The following PDE1C variants were observed in gnomAD, a reference collection of about 807,000 sequenced individuals.
The protein encoded by PDE1C is dual specificity calcium/calmodulin-dependent 3',5'-cyclic nucleotide phosphodiesterase 1C.
PDE1C carries 62 observed loss-of-function variants against 93.1 expected under a neutral mutation model. The observed-to-expected ratio is 0.67, with a 90% CI of 0.54 to 0.82. The LOEUF (loss-of-function observed/expected upper bound fraction) is 0.82, where lower values mean the gene tolerates loss of function less well. PDE1C is among the 40% of genes least tolerant of loss of function. The pLI, the probability that PDE1C is intolerant of heterozygous loss-of-function variation, is 0.00. For synonymous variants in PDE1C, 325 were observed against 310.1 expected, an observed-to-expected ratio of 1.05 and a Z score of -0.50; for missense variants, 742 against 884.6, an observed-to-expected ratio of 0.84 and a Z score of 2.04.
intron 16 of PDE1C, among the ~76,000 whole-genome samples, chr7:31,780,111 C>T (rs1024136638): frequency 6.6e-5 from 10 of 152,154 alleles, no homozygotes; most frequent in Non-Finnish European, 1.2e-4. Flanking sequence ...AATATGCTGA[C>T]ACCTGACCCT....
At chr7:32,328,538 A>C (rs118121395) in intron 1 of PDE1C, among the ~76,000 whole-genome samples, 1 of 152,100 alleles carries the variant, frequency 6.6e-6, no homozygotes. Flanking sequence ...CTCCAGACAC[A>C]CTGCCTCCTT....
intron 3 of PDE1C, among the ~76,000 whole-genome samples, chr7:32,109,657 T>C (rs551260391): frequency 6.6e-6 from 1 of 152,186 alleles, no homozygotes; most frequent in Non-Finnish European, 1.5e-5. Flanking sequence ...CTGGTCTAAA[T>C]GAAGAAGTCT....
At chr7:32,252,869 A>G (rs1809493617) in intron 1 of PDE1C, among the ~76,000 whole-genome samples, 1 of 152,238 alleles carries the variant, frequency 6.6e-6, no homozygotes, top group Non-Finnish European at 1.5e-5. Context: ...TTATTCTACC[A>G]GTTACTGTAA....
chr7:31,756,555 T>C (rs1330922280), intron 17 of PDE1C, among the ~76,000 whole-genome samples: 1 of 151,926 alleles, frequency 6.6e-6, no homozygotes, highest in African/African-American at 2.4e-5. Flanking sequence ...GGGTAACAAG[T>C]AGGGAAATTT....
At chr7:32,410,691 G>T (rs1473608540) in intron 1 of PDE1C, among the ~76,000 whole-genome samples, 1 of 152,032 alleles carries the variant, frequency 6.6e-6, no homozygotes, top group Non-Finnish European at 1.5e-5. Context: ...AGAGAAGAGA[G>T]AGCTGAGAGC....
At chr7:31,985,270 G>A (rs1783226344) in intron 2 of PDE1C, among the ~76,000 whole-genome samples, 1 of 151,918 alleles carries the variant, frequency 6.6e-6, no homozygotes, top group Non-Finnish European at 1.5e-5. Flanking sequence ...AGCACTAAAG[G>A]GGTCTACATT....
At chr7:32,185,455 T>A (rs1218119548) in intron 2 of PDE1C, among the ~76,000 whole-genome samples, 3 of 152,142 alleles carry the variant, frequency 2.0e-5, no homozygotes, top group Non-Finnish European at 2.9e-5. Context: ...TCCCCAATAT[T>A]TGAATAAAAT....
intron 1 of PDE1C, among the ~76,000 whole-genome samples, chr7:32,306,607 T>A (rs1222234617): frequency 6.6e-6 from 1 of 152,232 alleles, no homozygotes; most frequent in Non-Finnish European, 1.5e-5. Flanking sequence ...GCCAAAGAGA[T>A]CTTTTTAAAT....
chr7:31,737,840 C>T, the PDE1C span, among the ~76,000 whole-genome samples: 62 of 149,722 alleles, frequency 4.1e-4, no homozygotes, highest in African/African-American at 1.5e-3. Flanking sequence ...CTGCAATAAC[C>T]ATTCAAAAAC....
chr7:32,388,166 G>A (rs1438571185), intron 1 of PDE1C, among the ~76,000 whole-genome samples: 1 of 152,068 alleles, frequency 6.6e-6, no homozygotes, highest in Non-Finnish European at 1.5e-5. Flanking sequence ...GACAGATTTG[G>A]TTGTCAAAGA....
At chr7:31,910,687 T>C (rs1405935272) in intron 2 of PDE1C, among the ~76,000 whole-genome samples, 1 of 152,190 alleles carries the variant, frequency 6.6e-6, no homozygotes, top group African/African-American at 2.4e-5. Context: ...CCAAATGGCC[T>C]GGGTTTCAAT....
intron 3 of PDE1C, among the ~76,000 whole-genome samples, chr7:32,103,190 G>A (rs1359086301): frequency 6.6e-6 from 1 of 152,206 alleles, no homozygotes; most frequent in African/African-American, 2.4e-5. Context: ...ATTAGAGAGT[G>A]AGAAATTTCA....
the PDE1C span, among the ~76,000 whole-genome samples, chr7:31,624,509 C>G: frequency 0.11 from 8,124 of 74,986 alleles, 617 homozygotes; most frequent in East Asian, 0.24. Context: ...CTGAGAAAAA[C>G]AAGCAATGGG....
At chr7:32,206,872 G>T (rs56293810) in intron 2 of PDE1C, among the ~76,000 whole-genome samples, 2 of 152,134 alleles carry the variant, frequency 1.3e-5, no homozygotes, top group African/African-American at 4.8e-5. Context: ...GTCAAGGTCA[G>T]TCTCAACTCT....
chr7:32,134,308 A>T (rs1420823417), intron 3 of PDE1C, among the ~76,000 whole-genome samples: 1 of 152,156 alleles, frequency 6.6e-6, no homozygotes, highest in Non-Finnish European at 1.5e-5. Context: ...AGAAAACCCC[A>T]AAAAGAATTC....
At chr7:32,323,570 G>T (rs1296987500) in intron 1 of PDE1C, among the ~76,000 whole-genome samples, 1 of 152,166 alleles carries the variant, frequency 6.6e-6, no homozygotes, top group Non-Finnish European at 1.5e-5. Context: ...CAGCAGTCAG[G>T]GTGGCATGTT....
At chr7:32,394,069 T>C (rs181654812) in intron 1 of PDE1C, among the ~76,000 whole-genome samples, 1 of 152,298 alleles carries the variant, frequency 6.6e-6, no homozygotes, top group Admixed American at 6.5e-5. Flanking sequence ...TACAAAGCTG[T>C]TGTGGACAAG....
In PDE1C at chr7:32,273,049, G is replaced by A. The variant is rs566965992; in HGVS notation, c.85+25602C>T. The stretch of plus-strand genomic sequence containing the variant: ...GCACTGGCTTTGAAATGGAGATGGA[G>A]GTGACGGTGTTTCAGGTTGTTAAAG... On this transcript the variant is annotated intron_variant, in intron 1 of 18. Coordinates refer to the PDE1C transcript ENST00000396193. 2.0e-5 allele frequency among the ~76,000 whole-genome samples: 3 copies of A among 152,298 alleles called. No individual in the cohort carries two copies. The South Asian group carries it at 6.2e-4, about 32-fold the overall frequency.
At chr7:32,169,022 AAGAAAGGAGGGGC>A (rs1802479192) in intron 3 of PDE1C, among the ~76,000 whole-genome samples, 1 of 152,164 alleles carries the variant, frequency 6.6e-6, no homozygotes, top group African/African-American at 2.4e-5. Flanking sequence ...ACATAACAGG[AAGAAAGGAGGGGC>A]AGAAGGCAAT....
Sources: allele counts gnomAD v4.1 joint callset (sites outside exome capture counted in the v4.1 genomes callset), GRCh38; gene constraint gnomAD v4.1.1; transcripts MANE v1.5; gene names NCBI Gene and HGNC (gene_info 2026-07-23, HGNC 2026-07-21).